The following HCN1 variants were observed in gnomAD, a reference collection of about 807,000 sequenced individuals.
The protein encoded by HCN1 is potassium/sodium hyperpolarization-activated cyclic nucleotide-gated channel 1.
A neutral mutation model predicts 78.9 loss-of-function variants in HCN1; 13 were observed. The ratio of observed to expected loss-of-function variants is 0.16; its 90% CI spans 0.11 to 0.26. The LOEUF (loss-of-function observed/expected upper bound fraction) is 0.26. Among genes scored for constraint, HCN1 ranks in the 10% least tolerant of loss-of-function variants. The pLI is 1.00. For missense variants in HCN1, 810 were observed against 1,154.3 expected, an observed-to-expected ratio of 0.70 and a Z score of 4.32; for synonymous variants, 552 against 455.5, an observed-to-expected ratio of 1.21 and a Z score of -2.70.
intron 4 of HCN1, among the ~76,000 whole-genome samples, chr5:45,392,503 A>G (rs527454136): frequency 3.3e-5 from 5 of 152,248 alleles, no homozygotes; most frequent in Admixed American, 6.5e-5. Context: ...GAGAGTACTT[A>G]CATTAAACTT....
intron 6 of HCN1, among the ~76,000 whole-genome samples, chr5:45,284,386 G>C (rs981088774): frequency 3.3e-5 from 5 of 152,044 alleles, no homozygotes; most frequent in South Asian, 2.1e-4. Flanking sequence ...AAATATCTTA[G>C]AGGTAAATGA....
At chr5:45,346,443 G>T (rs1017303409) in intron 5 of HCN1, among the ~76,000 whole-genome samples, 1 of 152,200 alleles carries the variant, frequency 6.6e-6, no homozygotes, top group African/African-American at 2.4e-5. Flanking sequence ...TGACACAGAA[G>T]ATGGGTGATT....
chr5:45,401,447 A>G (rs1224007849), intron 3 of HCN1, among the ~76,000 whole-genome samples: 1 of 151,992 alleles, frequency 6.6e-6, no homozygotes, highest in African/African-American at 2.4e-5. Flanking sequence ...TCATTTGCCT[A>G]TTGACCTTCT....
intron 3 of HCN1, among the ~76,000 whole-genome samples, chr5:45,400,927 T>C (rs1453095414): frequency 2.0e-5 from 3 of 152,170 alleles, no homozygotes; most frequent in African/African-American, 7.2e-5. Flanking sequence ...TATGCTCTTA[T>C]TGTTGTTATC....
intron 3 of HCN1, among the ~76,000 whole-genome samples, chr5:45,425,877 A>C (rs1740336250): frequency 6.6e-6 from 1 of 152,210 alleles, no homozygotes; most frequent in East Asian, 1.9e-4. Context: ...ATATGAAATA[A>C]TACTTGAAAA....
intron 2 of HCN1, among the ~76,000 whole-genome samples, chr5:45,612,183 C>T (rs544801557): frequency 1.3e-5 from 2 of 152,224 alleles, no homozygotes; most frequent in African/African-American, 2.4e-5. Context: ...TTAATTTTCT[C>T]AATTCTACTT....
chr5:45,596,180 G>A (rs552762798), intron 2 of HCN1, among the ~76,000 whole-genome samples: 5 of 152,190 alleles, frequency 3.3e-5, no homozygotes, highest in East Asian at 1.9e-4. Flanking sequence ...TTACAGGCAT[G>A]AGCCACCACG....
chr5:45,339,957 T>A (rs567964049), intron 5 of HCN1, among the ~76,000 whole-genome samples: 1 of 152,274 alleles, frequency 6.6e-6, no homozygotes, highest in Admixed American at 6.5e-5. Flanking sequence ...TTGCTCTTGT[T>A]GCCCAGGCTG....
intron 5 of HCN1, among the ~76,000 whole-genome samples, chr5:45,324,508 C>G (rs1746197000): frequency 6.6e-6 from 1 of 151,904 alleles, no homozygotes; most frequent in Non-Finnish European, 1.5e-5. Context: ...ACAACAGCTG[C>G]TGGAGAGGAT....
At chr5:45,628,108 A>C (rs1745202182) in intron 2 of HCN1, among the ~76,000 whole-genome samples, 1 of 152,228 alleles carries the variant, frequency 6.6e-6, no homozygotes, top group Non-Finnish European at 1.5e-5. Flanking sequence ...AGAGCACTGG[A>C]ACATTGGTGG....
At chr5:45,312,728 C>A (rs190586527) in intron 5 of HCN1, among the ~76,000 whole-genome samples, 103 of 152,332 alleles carry the variant, frequency 6.8e-4, no homozygotes, top group South Asian at 4.6e-3. Flanking sequence ...TATCCCGCAC[C>A]TGGCTCAGGG....
chr5:45,361,599 G>C (rs80091646), intron 4 of HCN1, among the ~76,000 whole-genome samples: 9 of 152,096 alleles, frequency 5.9e-5, no homozygotes, highest in African/African-American at 2.2e-4. Context: ...CAAGTAAAGC[G>C]TGTTATTCTT....
intron 1 of HCN1, among the ~76,000 whole-genome samples, chr5:45,669,620 C>A (rs1746111344): frequency 6.6e-6 from 1 of 151,652 alleles, no homozygotes; most frequent in South Asian, 2.1e-4. Context: ...GGTCATGAGC[C>A]AAGTTTGTTC....
chr5:45,530,506 G>T (rs1330685985), intron 2 of HCN1, among the ~76,000 whole-genome samples: 1 of 150,770 alleles, frequency 6.6e-6, no homozygotes, highest in African/African-American at 2.4e-5. Context: ...AATTAGTAAG[G>T]ACTATACATT....
chr5:45,617,044 T>G (rs1428632279), intron 2 of HCN1, among the ~76,000 whole-genome samples: 1 of 152,032 alleles, frequency 6.6e-6, no homozygotes, highest in Admixed American at 6.6e-5. Context: ...AGCAGTGATT[T>G]CAAAAATACT....
chr5:45,307,879 C>G (rs891183283), intron 5 of HCN1, among the ~76,000 whole-genome samples: 2 of 151,978 alleles, frequency 1.3e-5, no homozygotes, highest in African/African-American at 4.8e-5. Context: ...GTATTAAAAA[C>G]GGGGGAAATT....
chr5:45,470,246 T>C (rs1741363901), intron 2 of HCN1, among the ~76,000 whole-genome samples: 1 of 151,978 alleles, frequency 6.6e-6, no homozygotes, highest in Non-Finnish European at 1.5e-5. Context: ...GAGGTGTTGG[T>C]TTGCTGTCTT....
rs561203209 is a variant in HCN1 at position 45,374,428 on chromosome 5, C to A, written c.1231-21182G>T. 3.6e-3 allele frequency among the ~76,000 whole-genome samples: 526 copies of A among 147,614 alleles called. 3 individuals carry two copies. Among genetic ancestry groups the A allele is most frequent in the Admixed American group, 4.5e-3 (63 of 14,014 alleles). On this transcript the variant is annotated intron_variant, in intron 4 of 7. Coordinates refer to ENST00000303230, the MANE Select transcript of HCN1 (RefSeq NM_021072.4). ...AAATGGGTAAATTCCTGAACACATA[C>A]AACCTCCCAAGACTGAATCAAGAAG...
chr5:45,313,751 G>A (rs548674191), intron 5 of HCN1, among the ~76,000 whole-genome samples: 1 of 152,296 alleles, frequency 6.6e-6, no homozygotes, highest in African/African-American at 2.4e-5. Flanking sequence ...TCGATCAACT[G>A]GAAGAAAGGG....
Sources: gnomAD v4.1 joint callset for allele counts (sites outside exome capture counted in the v4.1 genomes callset) on GRCh38, gnomAD v4.1.1 for gene constraint, MANE v1.5 for transcripts, NCBI Gene and HGNC (gene_info 2026-07-23, HGNC 2026-07-21) for gene names.